THSD7B: variants seen among roughly 807,000 people sequenced by gnomAD.
THSD7B encodes thrombospondin type 1 domain containing 7B.
A neutral mutation model predicts 213.6 loss-of-function variants in THSD7B; 138 were observed. The ratio of observed to expected loss-of-function variants is 0.65; its 90% CI spans 0.56 to 0.74. THSD7B has a LOEUF of 0.74. THSD7B is among the 30% of genes least tolerant of loss of function. The pLI is 0.00. For missense variants in THSD7B, 1,931 were observed against 1,991.5 expected (o/e 0.97, Z 0.58); for synonymous variants, 742 against 687.0 (o/e 1.08, Z -1.25).
intron 1 of THSD7B, among the ~76,000 whole-genome samples, chr2:136,860,962 G>T (rs115100988): frequency 6.6e-6 from 1 of 152,226 alleles, no homozygotes; most frequent in African/African-American, 2.4e-5. Flanking sequence ...CTTACTGTTG[G>T]TTTTGCCTAG....
At chr2:137,599,169 T>A (rs1307228636) in intron 17 of THSD7B, among the ~76,000 whole-genome samples, 1 of 151,438 alleles carries the variant, frequency 6.6e-6, no homozygotes, top group African/African-American at 2.4e-5. Context: ...TTACTGAGAA[T>A]GATGATTTCC....
chr2:137,020,423 A>G lies in THSD7B; in HGVS notation c.140-35997A>G, dbSNP rs562070606. Among the ~76,000 whole-genome samples the G allele has an allele frequency of 4.6e-5, 7 of 152,222 alleles. 1 individual carries two copies. The South Asian group carries it at 1.5e-3, about 32-fold the overall frequency. On this transcript the variant is annotated intron_variant, in intron 2 of 27. Transcript: ENST00000409968. ...TGCCTGCAATCGCTTTAGAAAATTG[A>G]TTGTGCTTATTTTCTCCTAGCCTGA...
intron 1 of THSD7B, among the ~76,000 whole-genome samples, chr2:136,795,836 A>C (rs187381340): frequency 1.5e-4 from 23 of 152,050 alleles, no homozygotes; most frequent in South Asian, 4.1e-4. Context: ...TTTAGTGGTT[A>C]CTGGAGAGAT....
rs543655684 is a variant in THSD7B at position 136,988,091 on chromosome 2, T to G, written c.140-68329T>G. 2.0e-5 allele frequency among the ~76,000 whole-genome samples: 3 copies of G among 152,280 alleles called. No homozygotes were observed. In the East Asian group the frequency reaches 5.8e-4, roughly 29 times the overall value. On this transcript the variant is annotated intron_variant, in intron 2 of 27. Coordinates refer to ENST00000409968, the MANE Select transcript of THSD7B (RefSeq NM_001316349.2). ...CTGAGTTGTTTAATTGTCACCACAA[T>G]CCGGTTTTAGAATATGGCCGTCTCC...
At chr2:137,602,185 G>A (rs2104824218) in intron 17 of THSD7B, among the ~76,000 whole-genome samples, 1 of 152,260 alleles carries the variant, frequency 6.6e-6, no homozygotes, top group South Asian at 2.1e-4. Flanking sequence ...GTTCTGTTTT[G>A]TGGTGTTATA....
chr2:137,202,631 G>A (rs1244243517), intron 7 of THSD7B, among the ~76,000 whole-genome samples: 1 of 152,154 alleles, frequency 6.6e-6, no homozygotes, highest in Non-Finnish European at 1.5e-5. Context: ...CAAGCACCAA[G>A]TTTGTAGTAA....
intron 26 of THSD7B, 40 bp downstream of exon 26, chr2:137,663,615 TG>T: frequency 1.3e-6 from 2 of 1,537,350 alleles, no homozygotes; most frequent in Non-Finnish European, 1.8e-6. Context: ...AATTTTCTCA[TG>T]GGAGGTCTAT....
chr2:137,616,318 T>C lies in THSD7B; in HGVS notation c.3565+2T>C. Reference sequence around the variant, plus strand: ...TCCAGTTCCAGTACAATCTAACAGGTACAGTTAAAATCTATGACCTTGTCG... The same window carrying C: ...TCCAGTTCCAGTACAATCTAACAGGCACAGTTAAAATCTATGACCTTGTCG... On this transcript the variant is annotated splice_donor_variant, in intron 18 of 27. Transcript: ENST00000409968. LOFTEE classifies it high-confidence loss of function. The C allele has an allele frequency of 6.2e-7, 1 of 1,612,272 alleles. No homozygotes were observed. Among genetic ancestry groups the C allele is most frequent in the South Asian group, 1.1e-5 (1 of 90,746 alleles).
intron 7 of THSD7B, among the ~76,000 whole-genome samples, chr2:137,211,360 A>AGAGG (rs1681107230): frequency 7.6e-6 from 1 of 132,364 alleles, no homozygotes; most frequent in African/African-American, 2.5e-5. Flanking sequence ...ACACACACAC[A>AGAGG]CACACGGAAT....
chr2:137,166,998 A>G (rs1278857711), intron 6 of THSD7B, among the ~76,000 whole-genome samples: 1 of 152,044 alleles, frequency 6.6e-6, no homozygotes, highest in East Asian at 1.9e-4. Context: ...ATAAGATACT[A>G]TCCCTGCAGG....
chr2:137,512,465 C>T (rs1316986771), intron 15 of THSD7B, among the ~76,000 whole-genome samples: 1 of 141,204 alleles, frequency 7.1e-6, no homozygotes, highest in Non-Finnish European at 1.5e-5. Context: ...AATCACAGCT[C>T]ACTGCCGCCT....
intron 1 of THSD7B, among the ~76,000 whole-genome samples, chr2:136,802,639 T>TATATATATATA (rs1682205694): frequency 1.7e-5 from 1 of 57,362 alleles, no homozygotes; most frequent in African/African-American, 4.8e-5. Flanking sequence ...TGAATTAAGT[T>TATATATATATA]TATATATATA....
At chr2:136,864,746 G>T (rs895622844) in intron 1 of THSD7B, among the ~76,000 whole-genome samples, 1 of 152,036 alleles carries the variant, frequency 6.6e-6, no homozygotes, top group Non-Finnish European at 1.5e-5. Context: ...TAGAGATGGG[G>T]TTTCCCCATG....
At position 137,504,997 on chromosome 2, in the gene THSD7B, G is replaced by A. The variant is rs897038260; in HGVS notation, c.3138+53974G>A. On this transcript the variant is annotated intron_variant, in intron 15 of 27. Transcript: ENST00000409968. ...GGAAGGGAGGAATGGAGGAAAGCAG[G>A]AAGGGAGAAAGGGAGGAAGGGAGGG... Among the ~76,000 whole-genome samples, 62 of 152,042 alleles carry A rather than the reference G, an allele frequency of 4.1e-4. 1 individual carries two copies. The highest frequency in any genetic ancestry group is 4.6e-4 in the Admixed American group (7 of 15,260).
intron 15 of THSD7B, among the ~76,000 whole-genome samples, chr2:137,507,913 C>T (rs1187752311): frequency 6.6e-6 from 1 of 152,182 alleles, no homozygotes; most frequent in East Asian, 1.9e-4. Flanking sequence ...TAGAACCAGG[C>T]TTTCTGGGAT....
At chr2:137,435,314 TTA>T (rs1234192608) in intron 14 of THSD7B, among the ~76,000 whole-genome samples, 1 of 152,216 alleles carries the variant, frequency 6.6e-6, no homozygotes, top group Non-Finnish European at 1.5e-5. Context: ...AGGACTTTGC[TTA>T]TGTTATTTCA....
chr2:137,567,799 T>C (rs1681270147), intron 16 of THSD7B, among the ~76,000 whole-genome samples: 1 of 152,058 alleles, frequency 6.6e-6, no homozygotes, highest in African/African-American at 2.4e-5. Context: ...CACATTAAAT[T>C]TGAGGTGATA....
rs113592577 is a variant in THSD7B, at chr2:137,067,594, C to T, written c.950+10364C>T. On this transcript the variant is annotated intron_variant, in intron 3 of 27. Coordinates refer to ENST00000409968, the MANE Select transcript of THSD7B (RefSeq NM_001316349.2). ...GTCTTTTGTCCCATGATTAGATTCT[C>T]ATATTTTGTTAAGCCTATTAAGCCT... is the stretch of plus-strand genomic sequence containing the variant. Among the ~76,000 whole-genome samples, 412 of 152,076 alleles carry T rather than the reference C, an allele frequency of 2.7e-3. 6 individuals carry two copies. Among genetic ancestry groups the T allele is most frequent in the Middle Eastern group, 0.024 (7 of 294 alleles).
intron 1 of THSD7B, among the ~76,000 whole-genome samples, chr2:136,765,969 C>A: frequency 6.6e-6 from 1 of 152,218 alleles, no homozygotes; most frequent in Non-Finnish European, 1.5e-5. Flanking sequence ...ACGCGGCGAC[C>A]TGAGCACCGA....
Sources: allele counts gnomAD v4.1 joint callset (sites outside exome capture counted in the v4.1 genomes callset), GRCh38; gene constraint gnomAD v4.1.1; transcripts MANE v1.5; gene names NCBI Gene and HGNC (gene_info 2026-07-23, HGNC 2026-07-21).